MAGEL2: variants seen among roughly 807,000 people sequenced by gnomAD.
MAGEL2 encodes MAGE-like protein 2.
For missense variants in MAGEL2, 1,830 were observed against 1,699.2 expected, an observed-to-expected ratio of 1.08 and a Z score of -1.35; for synonymous variants, 792 against 721.7, an observed-to-expected ratio of 1.10 and a Z score of -1.56.
Position 23,645,062 on chromosome 15 carries a change from G to A in MAGEL2, c.2681C>T (p.Ala894Val). 1 of 1,613,942 alleles carries A rather than the reference G, an allele frequency of 6.2e-7. No individual in the cohort carries two copies. The highest frequency in any genetic ancestry group is 8.5e-7 in the Non-Finnish European group (1 of 1,179,906). Residue 894 changes from alanine to valine, a missense_variant, in exon 1 of 1, where the codon GCC becomes GTC. By Grantham distance (64) the Ala-to-Val change is moderately conservative (BLOSUM62 0). Coordinates refer to ENST00000650528, the MANE Select transcript of MAGEL2 (RefSeq NM_019066.5). ...KATRKKKHLE[A>V]QEDSRGHTLA... ...CGTGTGGCCACGGCTGTCCTCTTGG[G>A]CTTCCAGATGCTTCTTCTTCCGGGT...
Position 23,644,624 on chromosome 15 carries a change from G to A in MAGEL2, c.3119C>T (p.Pro1040Leu). 6.2e-7 allele frequency: 1 copy of A among 1,613,856 alleles called. No individual in the cohort carries two copies. The highest frequency in any genetic ancestry group is 8.5e-7 in the Non-Finnish European group (1 of 1,179,846). Residue 1040 changes from proline to leucine, a missense_variant, in exon 1 of 1, where the codon CCT becomes CTT. Coordinates refer to ENST00000650528, the MANE Select transcript of MAGEL2 (RefSeq NM_019066.5). The stretch of plus-strand genomic sequence containing the variant: ...TTTCACCATCTCCGAGCGCTGGACA[G>A]GCACCTTGGCTTGGTCCTTGACTAA... ...FLLVKDQAKV[P>L]VQRSEMVKVI...
Position 23,646,182 on chromosome 15 carries a change from G to C in MAGEL2, c.1561C>G (p.Pro521Ala). ...PPLWQALPPP[P>A]PLRQAPQARL... ...GCCTGCGGGGCCTGCCGCAGTGGAGGTGGGGGTGGCAGGGCCTGCCAGAGC... is the reference window on the plus strand; with the variant it reads ...GCCTGCGGGGCCTGCCGCAGTGGAGCTGGGGGTGGCAGGGCCTGCCAGAGC... Residue 521 changes from proline (P) to alanine (A), a missense_variant, in exon 1 of 1, where the codon CCT becomes GCT. Physicochemically the swap from Pro to Ala is conservative, Grantham distance 27. Transcript: ENST00000650528. This position sits in a 1 kb window ranked among gnomAD's most constrained non-coding sequence, Gnocchi z 4.2. 1 of 1,337,364 alleles carries C rather than the reference G, an allele frequency of 7.5e-7. No homozygotes were observed. The highest frequency in any genetic ancestry group is 9.5e-7 in the Non-Finnish European group (1 of 1,052,400). The allele number at this position is 1,337,364 out of a possible 1,614,324, so 82.8% of individuals were successfully genotyped here.
At position 23,647,372 on chromosome 15, in the gene MAGEL2, G is replaced by T; in HGVS notation, c.371C>A (p.Thr124Asn). The change falls in exon 1 of 1, where the codon ACC becomes AAC. Residue 124 changes from threonine (T) to asparagine (N), a missense_variant. Thr to Asn is a moderately conservative substitution (Grantham distance 65). Coordinates refer to ENST00000650528, the MANE Select transcript of MAGEL2 (RefSeq NM_019066.5). ...PPGAPMAQPP[T>N]PGVLMVHPSA... is the part of the protein sequence containing the mutation. Reference sequence around the variant, plus strand: ...AGGATGCACCATCAGGACTCCCGGGGTCGGAGGCTGGGCCATCGGGGCTCC... The same window carrying T: ...AGGATGCACCATCAGGACTCCCGGGTTCGGAGGCTGGGCCATCGGGGCTCC... 1 of 1,536,858 alleles carries T rather than the reference G, an allele frequency of 6.5e-7. No homozygotes were observed.
rs1274530270 is a variant in MAGEL2, at chr15:23,646,124, G to A, written c.1619C>T (p.Pro540Leu). Residue 540 changes from proline (P) to leucine (L), a missense_variant, in exon 1 of 1, where the codon CCG becomes CTG. Pro to Leu is a moderately conservative substitution (Grantham distance 98). Transcript: ENST00000650528. The surrounding 1 kb of genome is among the most constrained non-coding windows in gnomAD (Gnocchi z 4.2). ...RLPAPQVQAA[P>L]QVPTAPPATQ... ...AGCAGGTGGGGCCGTAGGCACCTGC[G>A]GCGCCGCCTGCACCTGCGGGGCCGG... 3 of 1,369,652 alleles carry A rather than the reference G, an allele frequency of 2.2e-6. No individual in the cohort carries two copies. Among genetic ancestry groups the A allele is most frequent in the African/African-American group, 1.5e-5 (1 of 64,658 alleles). The allele number at this position is 1,369,652 out of a possible 1,614,324, so 84.8% of individuals were successfully genotyped here. A position where few individuals can be genotyped will look rare whatever the true frequency, so the allele number is the denominator to read the frequency against.
At position 23,646,602 on chromosome 15, in the gene MAGEL2, C is replaced by T; in HGVS notation, c.1141G>A (p.Gly381Ser). Reference sequence around the variant, plus strand: ...CAAGTCAGGGGAGTGGCCTGCCAGCCTTGCTGCGTGGCCTGCCATCCTGGC... The same window carrying T: ...CAAGTCAGGGGAGTGGCCTGCCAGCTTTGCTGCGTGGCCTGCCATCCTGGC... ...TSPGWQATQQGWQATPLTWQT... is the reference protein window; with the variant it reads ...TSPGWQATQQSWQATPLTWQT... The change falls in exon 1 of 1, where the codon GGC becomes AGC. Residue 381 changes from glycine to serine, a missense_variant. By Grantham distance (56) the Gly-to-Ser change is moderately conservative. Coordinates refer to ENST00000650528, the MANE Select transcript of MAGEL2 (RefSeq NM_019066.5). This position sits in a 1 kb window ranked among gnomAD's most constrained non-coding sequence, Gnocchi z 4.2. The T allele has an allele frequency of 2.0e-6, 3 of 1,472,638 alleles. No homozygotes were observed. Among genetic ancestry groups the T allele is most frequent in the Non-Finnish European group, 2.7e-6 (3 of 1,116,042 alleles). 91.2% of individuals were successfully genotyped at this position (1,472,638 alleles called of 1,614,324 possible).
At position 23,644,094 on chromosome 15, in the gene MAGEL2, G is replaced by A. The variant is rs760112331; in HGVS notation, c.3649C>T (p.Leu1217Phe). ...CACTCACACTCTGCGAGCGCTTCAA[G>A]GTAATGGAATGGCCAGCTCTGTGGA... ...KDPQSWPFHYLEALAECEWED... is the reference protein window; with the variant it reads ...KDPQSWPFHYFEALAECEWED... Residue 1217 changes from leucine (L) to phenylalanine (F), a missense_variant, in exon 1 of 1, where the codon CTT (leucine) becomes TTT (phenylalanine). Coordinates refer to ENST00000650528, the MANE Select transcript of MAGEL2 (RefSeq NM_019066.5). The A allele has an allele frequency of 3.2e-5, 51 of 1,613,822 alleles. No individual in the cohort carries two copies. Among genetic ancestry groups the A allele is most frequent in the Non-Finnish European group, 4.2e-5 (50 of 1,179,908 alleles).
rs926542837 is a variant in MAGEL2 at position 23,647,641 on chromosome 15, G to A, written c.102C>T (p.Pro34=). 12 of 1,536,476 alleles carry A rather than the reference G, an allele frequency of 7.8e-6. No individual in the cohort carries two copies. Among genetic ancestry groups the A allele is most frequent in the Non-Finnish European group, 1.0e-5 (12 of 1,146,736 alleles). ...GGACTGGCGGAGCCCGGGAGGAAGCGGGCGGGGCCCGCATCAGAACCGTAG... is the reference window on the plus strand; with the variant it reads ...GGACTGGCGGAGCCCGGGAGGAAGCAGGCGGGGCCCGCATCAGAACCGTAG... The part of the protein sequence containing the change: ...SRPTVLMRAP[P]ASSRAPPVPW... Residue 34 remains proline (P), a synonymous_variant, in exon 1 of 1, where the codon CCC becomes CCT. Transcript: ENST00000650528.
At position 23,647,369 on chromosome 15, in the gene MAGEL2, G is replaced by A. The variant is rs1370010097; in HGVS notation, c.374C>T (p.Pro125Leu). The change falls in exon 1 of 1, where the codon CCG (proline) becomes CTG (leucine). Residue 125 changes from proline (P) to leucine (L), a missense_variant. Transcript: ENST00000650528. ...PGAPMAQPPTPGVLMVHPSAP... is the reference protein window; with the variant it reads ...PGAPMAQPPTLGVLMVHPSAP... ...TGAAGGATGCACCATCAGGACTCCCGGGGTCGGAGGCTGGGCCATCGGGGC... is the reference window on the plus strand; with the variant it reads ...TGAAGGATGCACCATCAGGACTCCCAGGGTCGGAGGCTGGGCCATCGGGGC... The A allele has an allele frequency of 5.2e-6, 8 of 1,536,880 alleles. No homozygotes were observed. The highest frequency in any genetic ancestry group is 2.4e-5 in the East Asian group (1 of 40,878).
Position 23,646,293 on chromosome 15 carries a change from G to T in MAGEL2, c.1450C>A (p.Pro484Thr), listed in dbSNP as rs1336755572. The T allele has an allele frequency of 7.3e-7, 1 of 1,372,732 alleles. No homozygotes were observed. The highest frequency in any genetic ancestry group is 1.5e-5 in the African/African-American group (1 of 64,860). 85.0% of individuals were successfully genotyped at this position (1,372,732 alleles called of 1,614,324 possible). The change falls in exon 1 of 1, where the codon CCT (proline) becomes ACT (threonine). Residue 484 changes from proline to threonine, a missense_variant. By Grantham distance (38) the Pro-to-Thr change is conservative (BLOSUM62 -1). Coordinates refer to ENST00000650528, the MANE Select transcript of MAGEL2 (RefSeq NM_019066.5). The surrounding 1 kb of genome is among the most constrained non-coding windows in gnomAD (Gnocchi z 4.2). ...QAPPVIRQAP[P>T]VIRQAPPLIR... Reference sequence around the variant, plus strand: ...AGCGGCGGGGCCTGGCGGATCACAGGTGGAGCCTGGCGGATCACAGGTGGG... The same window carrying T: ...AGCGGCGGGGCCTGGCGGATCACAGTTGGAGCCTGGCGGATCACAGGTGGG...
Position 23,647,737 on chromosome 15 carries a change from C to A in MAGEL2, c.6G>T (p.Ser2=), listed in dbSNP as rs1222522082. Reference sequence around the variant, plus strand: ...AGTCACCCAGATTCTTACTTAGCTGCGACATGTCCCTTTGCTGACAGCTGG... The same window carrying A: ...AGTCACCCAGATTCTTACTTAGCTGAGACATGTCCCTTTGCTGACAGCTGG... M[S]QLSKNLGDSS... is the part of the protein sequence containing the mutation. Residue 2 remains serine, a synonymous_variant, in exon 1 of 1, where the codon TCG becomes TCT. Transcript: ENST00000650528. The A allele has an allele frequency of 1.2e-5, 18 of 1,452,706 alleles. No individual in the cohort carries two copies. Among genetic ancestry groups the A allele is most frequent in the Non-Finnish European group, 1.5e-5 (17 of 1,108,464 alleles). The allele number at this position is 1,452,706 out of a possible 1,614,324, so 90.0% of individuals were successfully genotyped here.
chr15:23,644,765 A>G lies in MAGEL2; in HGVS notation c.2978T>C (p.Val993Ala). 6.2e-7 allele frequency: 1 copy of G among 1,613,714 alleles called. No homozygotes were observed. The highest frequency in any genetic ancestry group is 1.1e-5 in the South Asian group (1 of 91,068). The change falls in exon 1 of 1, where the codon GTG becomes GCG. Residue 993 changes from valine to alanine, a missense_variant. By Grantham distance (64) the Val-to-Ala change is moderately conservative. Transcript: ENST00000650528. ...ESPGSSLPVV[V>A]SEVASVSPGS... ...CGGAGAGACACTTGCGACCTCAGAC[A>G]CAACTACGGGCAGAGAGCTCCCTGG...
Position 23,647,193 on chromosome 15 carries a change from G to T in MAGEL2, c.550C>A (p.Pro184Thr). The T allele has an allele frequency of 6.6e-7, 1 of 1,522,834 alleles. No homozygotes were observed. The highest frequency in any genetic ancestry group is 8.8e-7 in the Non-Finnish European group (1 of 1,140,548). The allele number at this position is 1,522,834 out of a possible 1,614,324, so 94.3% of individuals were successfully genotyped here. Reference sequence around the variant, plus strand: ...GGATGAGCCATCGGGGTCCCCGGAGGAGGAGGATGCACCATCGGGGTCCCC... The same window carrying T: ...GGATGAGCCATCGGGGTCCCCGGAGTAGGAGGATGCACCATCGGGGTCCCC... ...PPGTPMVHPP[P>T]PGTPMAHPPP... Residue 184 changes from proline to threonine, a missense_variant, in exon 1 of 1, where the codon CCT (proline) becomes ACT (threonine). By Grantham distance (38) the Pro-to-Thr change is conservative (BLOSUM62 -1). Transcript: ENST00000650528.
chr15:23,646,706 C>T lies in MAGEL2; in HGVS notation c.1037G>A (p.Arg346Lys). 6.5e-7 allele frequency: 1 copy of T among 1,530,438 alleles called. No individual in the cohort carries two copies. The highest frequency in any genetic ancestry group is 8.7e-7 in the Non-Finnish European group (1 of 1,143,490). 94.8% of individuals were successfully genotyped at this position (1,530,438 alleles called of 1,614,324 possible). The change falls in exon 1 of 1, where the codon AGG (arginine) becomes AAG (lysine). Residue 346 changes from arginine to lysine, a missense_variant. By Grantham distance (26) the Arg-to-Lys change is conservative. Coordinates refer to ENST00000650528, the MANE Select transcript of MAGEL2 (RefSeq NM_019066.5). This position sits in a 1 kb window ranked among gnomAD's most constrained non-coding sequence, Gnocchi z 4.2. ...LILQIQSQVI[R>K]APPQVPQGPQ... ...GCCCTGGGGAACCTGCGGAGGAGCC[C>T]TTATAACTTGAGACTGGATTTGCAG... is the stretch of plus-strand genomic sequence containing the variant.
At position 23,645,187 on chromosome 15, in the gene MAGEL2, G is replaced by A. The variant is rs754781962; in HGVS notation, c.2556C>T (p.Pro852=). 5 of 1,613,760 alleles carry A rather than the reference G, an allele frequency of 3.1e-6. No individual in the cohort carries two copies. The highest frequency in any genetic ancestry group is 4.2e-6 in the Non-Finnish European group (5 of 1,179,910). Residue 852 remains proline (P), a synonymous_variant, in exon 1 of 1, where the codon CCC becomes CCT. Coordinates refer to ENST00000650528, the MANE Select transcript of MAGEL2 (RefSeq NM_019066.5). ...MNASKASQAV[P]TFLMATAAAP... ...CAGCTGCTGTAGCCATCAGGAAGGT[G>A]GGCACTGCCTGCGATGCCTTTGAGG...
Position 23,646,249 on chromosome 15 carries a change from C to A in MAGEL2, c.1494G>T (p.Pro498=). 1.5e-6 allele frequency: 2 copies of A among 1,358,806 alleles called. No individual in the cohort carries two copies. Among genetic ancestry groups the A allele is most frequent in the South Asian group, 1.9e-5 (1 of 53,514 alleles). The allele number at this position is 1,358,806 out of a possible 1,614,324, so 84.2% of individuals were successfully genotyped here. The part of the protein sequence containing the change: ...QAPPLIRQAP[P]PIRPAPQVLA... ...GGACCTGTGGGGCAGGTCGGATGGG[C>A]GGCGGCGCCTGGCGGATCAGCGGCG... The change falls in exon 1 of 1, where the codon CCG becomes CCT. Residue 498 remains proline, a synonymous_variant. Coordinates refer to ENST00000650528, the MANE Select transcript of MAGEL2 (RefSeq NM_019066.5). This position sits in a 1 kb window ranked among gnomAD's most constrained non-coding sequence, Gnocchi z 4.2.
rs770612802 is a variant in MAGEL2 at position 23,644,373 on chromosome 15, C to T, written c.3370G>A (p.Gly1124Ser). 6.2e-7 allele frequency: 1 copy of T among 1,613,936 alleles called. No individual in the cohort carries two copies. Among genetic ancestry groups the T allele is most frequent in the South Asian group, 1.1e-5 (1 of 91,066 alleles). ...MVVLSLIFMK[G>S]NCVREDLIFN... ...ATCAGATCCTCCCTGACACAGTTGCCTTTCATAAAGATGAGGCTCAAGACC... is the reference window on the plus strand; with the variant it reads ...ATCAGATCCTCCCTGACACAGTTGCTTTTCATAAAGATGAGGCTCAAGACC... Residue 1124 changes from glycine to serine, a missense_variant, in exon 1 of 1, where the codon GGC (glycine) becomes AGC (serine). By Grantham distance (56) the Gly-to-Ser change is moderately conservative. Coordinates refer to ENST00000650528, the MANE Select transcript of MAGEL2 (RefSeq NM_019066.5).
Position 23,647,158 on chromosome 15 carries a change from C to T in MAGEL2, c.585G>A (p.Pro195=), listed in dbSNP as rs1342195721. 1 of 1,525,400 alleles carries T rather than the reference C, an allele frequency of 6.6e-7. No individual in the cohort carries two copies. The highest frequency in any genetic ancestry group is 8.8e-7 in the Non-Finnish European group (1 of 1,141,614). 94.5% of individuals were successfully genotyped at this position (1,525,400 alleles called of 1,614,324 possible). ...GGGGAGGATGAGCCATCGGTGTCCCCGGAGGGGGAGGATGAGCCATCGGGG... is the reference window on the plus strand; with the variant it reads ...GGGGAGGATGAGCCATCGGTGTCCCTGGAGGGGGAGGATGAGCCATCGGGG... ...PGTPMAHPPP[P]GTPMAHPPPP... The change falls in exon 1 of 1, where the codon CCG becomes CCA. Residue 195 remains proline, a synonymous_variant. Transcript: ENST00000650528.
rs981562603 is a variant in MAGEL2, at chr15:23,645,749, G to C, written c.1994C>G (p.Pro665Arg). The change falls in exon 1 of 1, where the codon CCC (proline) becomes CGC (arginine). Residue 665 changes from proline to arginine, a missense_variant. Physicochemically the swap from Pro to Arg is moderately radical, Grantham distance 103 (BLOSUM62 -2). Coordinates refer to ENST00000650528, the MANE Select transcript of MAGEL2 (RefSeq NM_019066.5). ...CGGACCCGATGCCTGGGCCTGCTGG[G>C]GGGGTAGCTGGATTTGCACGGCTTT... The part of the protein sequence containing the change: ...SQKAVQIQLP[P>R]QQAQASGPQA... The C allele has an allele frequency of 6.4e-7, 1 of 1,574,618 alleles. No homozygotes were observed. The highest frequency in any genetic ancestry group is 2.3e-5 in the East Asian group (1 of 44,080).
chr15:23,647,821 C>A lies in MAGEL2; in HGVS notation c.-79G>T. On this transcript the variant is annotated 5_prime_UTR_variant, in exon 1 of 1. Coordinates refer to ENST00000650528, the MANE Select transcript of MAGEL2 (RefSeq NM_019066.5). ...TCCTCCAGAGAGAAGAGAATGCCTACGTGGCTGTTCAGAGGCTCCCTCCCT... is the reference window on the plus strand; with the variant it reads ...TCCTCCAGAGAGAAGAGAATGCCTAAGTGGCTGTTCAGAGGCTCCCTCCCT... 7.2e-7 allele frequency: 1 copy of A among 1,379,796 alleles called. No homozygotes were observed. The highest frequency in any genetic ancestry group is 9.5e-7 in the Non-Finnish European group (1 of 1,056,972). The allele number at this position is 1,379,796 out of a possible 1,614,324, so 85.5% of individuals were successfully genotyped here. A position where few individuals can be genotyped will look rare whatever the true frequency, so the allele number is the denominator to read the frequency against.
Sources: gnomAD v4.1 joint callset for allele counts on GRCh38, gnomAD v4.1.1 for gene constraint, Gnocchi (gnomAD v3.1) non-coding constraint, MANE v1.5 for transcripts, NCBI Gene and HGNC (gene_info 2026-07-23, HGNC 2026-07-21) for gene names.